Variants in RANBP2 observed in about 807,000 individuals in gnomAD.
The protein encoded by RANBP2 is RAN binding protein 2, also known as E3 SUMO-protein ligase RanBP2.
A neutral mutation model predicts 303.6 loss-of-function variants in RANBP2; 57 were observed. The observed-to-expected ratio is 0.19, with a 90% CI of 0.15 to 0.23. The LOEUF (loss-of-function observed/expected upper bound fraction) is 0.23, where lower values mean the gene tolerates loss of function less well. Ranked by LOEUF, RANBP2 falls within the 10% of genes least tolerant of loss-of-function variation. RANBP2 has a pLI of 1.00. For missense variants in RANBP2, 3,138 were observed against 3,780.8 expected, an observed-to-expected ratio of 0.83 and a Z score of 4.46; for synonymous variants, 1,167 against 1,301.5, an observed-to-expected ratio of 0.90 and a Z score of 2.23.
the RANBP2 span, chr2:108,791,449 A>G: frequency 1.9e-6 from 1 of 518,858 alleles, no homozygotes; most frequent in African/African-American, 2.0e-5. Context: ...TGTCATTTTA[A>G]ATTAAGTCTA....
At chr2:108,791,904 A>G in the RANBP2 span, 2 of 1,208,820 alleles carry the variant, frequency 1.7e-6, no homozygotes, top group Non-Finnish European at 1.1e-6. Context: ...AAGAGTTTGC[A>G]TATTTCTGTG....
chr2:109,521,085 C>T, the RANBP2 span, among the ~76,000 whole-genome samples: 29 of 150,604 alleles, frequency 1.9e-4, no homozygotes, highest in Non-Finnish European at 3.7e-4. Flanking sequence ...GGCGTGGTGG[C>T]GGGCACCTGT....
the RANBP2 span, among the ~76,000 whole-genome samples, chr2:109,705,726 A>G: frequency 6.6e-6 from 1 of 152,090 alleles, no homozygotes; most frequent in African/African-American, 2.4e-5. Flanking sequence ...AGTGCAGTGA[A>G]CTCCAAAATA....
chr2:109,278,544 C>G, the RANBP2 span, among the ~76,000 whole-genome samples: 1 of 152,202 alleles, frequency 6.6e-6, no homozygotes, highest in Non-Finnish European at 1.5e-5. Context: ...ACTGGAATGT[C>G]GGGCCCCAAT....
the RANBP2 span, among the ~76,000 whole-genome samples, chr2:109,050,282 C>G: frequency 1.3e-5 from 2 of 151,416 alleles, no homozygotes; most frequent in African/African-American, 4.9e-5. Context: ...TAAACAGGGT[C>G]TTTCTGTGTC....
the RANBP2 span, among the ~76,000 whole-genome samples, chr2:109,061,893 T>A: frequency 6.6e-6 from 1 of 152,136 alleles, no homozygotes; most frequent in Non-Finnish European, 1.5e-5. Context: ...GAGCCATGCA[T>A]GCATTCCCAG....
the RANBP2 span, among the ~76,000 whole-genome samples, chr2:109,143,863 A>C: frequency 3.3e-5 from 5 of 152,150 alleles, no homozygotes; most frequent in African/African-American, 1.2e-4. Context: ...AATATTATTC[A>C]ATCTTAAAAA....
chr2:109,464,226 G>A, the RANBP2 span, among the ~76,000 whole-genome samples: 2 of 151,822 alleles, frequency 1.3e-5, no homozygotes, highest in Non-Finnish European at 2.9e-5. Flanking sequence ...CTCTTGTCGG[G>A]CAAAATCTAC....
At chr2:109,499,771 A>ATG in the RANBP2 span, among the ~76,000 whole-genome samples, 3 of 151,788 alleles carry the variant, frequency 2.0e-5, no homozygotes, top group Non-Finnish European at 4.4e-5. Context: ...GTGTGTGTGT[A>ATG]TGTGTGTGTG....
chr2:108,942,655 T>G, the RANBP2 span, among the ~76,000 whole-genome samples: 39 of 152,248 alleles, frequency 2.6e-4, no homozygotes, highest in Non-Finnish European at 5.0e-4. Flanking sequence ...GCCAGAGGCC[T>G]TTCAAGACGG....
At chr2:109,007,703 G>A in the RANBP2 span, among the ~76,000 whole-genome samples, 1 of 152,158 alleles carries the variant, frequency 6.6e-6, no homozygotes, top group East Asian at 1.9e-4. Flanking sequence ...CTACTTTGTG[G>A]GTAGAAAGAT....
chr2:108,822,903 C>T, the RANBP2 span, among the ~76,000 whole-genome samples: 5 of 151,922 alleles, frequency 3.3e-5, no homozygotes, highest in African/African-American at 9.7e-5. Flanking sequence ...ATTGACAAAC[C>T]GCTAGCTAGA....
the RANBP2 span, among the ~76,000 whole-genome samples, chr2:109,340,605 C>G: frequency 6.6e-6 from 1 of 152,212 alleles, no homozygotes; most frequent in Non-Finnish European, 1.5e-5. Flanking sequence ...ATCTGCCTTT[C>G]CTGGCCCCGG....
intron 12 of RANBP2, 74 bp from the exon 13 acceptor site, chr2:108,752,924 T>A (rs1676016601): frequency 1.9e-6 from 3 of 1,607,446 alleles, no homozygotes; most frequent in South Asian, 1.1e-5. Context: ...GCCAGTTCTT[T>A]CAACTTGTAA....
At chr2:109,011,610 CCT>C in the RANBP2 span, among the ~76,000 whole-genome samples, 1 of 152,174 alleles carries the variant, frequency 6.6e-6, no homozygotes, top group South Asian at 2.1e-4. Context: ...TTTGCTGCGT[CCT>C]CTCTCTATGG....
the RANBP2 span, among the ~76,000 whole-genome samples, chr2:109,232,555 G>A: frequency 3.9e-5 from 6 of 152,286 alleles, no homozygotes; most frequent in Non-Finnish European, 7.4e-5. Flanking sequence ...TTCAATAAGC[G>A]TGGACCTTTC....
chr2:109,537,980 A>AAC, the RANBP2 span, among the ~76,000 whole-genome samples: 7 of 151,510 alleles, frequency 4.6e-5, 1 homozygote, highest in South Asian at 2.1e-4. Flanking sequence ...CACACACACA[A>AAC]ACACACACAC....
the RANBP2 span, chr2:108,885,073 G>A: frequency 6.6e-6 from 1 of 152,252 alleles, no homozygotes; most frequent in South Asian, 2.1e-4. Context: ...TTTAGCTCAT[G>A]TAATTACTAA....
rs1677040907 is a variant in RANBP2 at position 108,765,287 on chromosome 2, C to T, written c.4748C>T (p.Ser1583Phe). ...SPSTSVPAPA[S>F]FKFGTSETSK... is the part of the protein sequence containing the mutation. ...TCTACTTCTGTTCCAGCTCCTGCCT[C>T]TTTTAAGTTTGGTACTTCAGAGACA... The change falls in exon 20 of 29, where the codon TCT becomes TTT. Residue 1583 changes from serine to phenylalanine, a missense_variant. Coordinates refer to ENST00000283195, the MANE Select transcript of RANBP2 (RefSeq NM_006267.5). The T allele has an allele frequency of 1.9e-6, 3 of 1,613,828 alleles. No individual in the cohort carries two copies. The highest frequency in any genetic ancestry group is 2.2e-5 in the South Asian group (2 of 91,084).
Sources: gnomAD v4.1 joint callset for allele counts (sites outside exome capture counted in the v4.1 genomes callset) on GRCh38, gnomAD v4.1.1 for gene constraint, MANE v1.5 for transcripts, NCBI Gene and HGNC (gene_info 2026-07-23, HGNC 2026-07-21) for gene names.